Variants in PTH2R observed in about 807,000 individuals in gnomAD.
The protein encoded by PTH2R is PTH2 receptor.
A neutral mutation model predicts 60.3 loss-of-function variants in PTH2R; 59 were observed. The ratio of observed to expected loss-of-function variants is 0.98; its 90% CI spans 0.79 to 1.22. The LOEUF (loss-of-function observed/expected upper bound fraction) is 1.22, where lower values mean the gene tolerates loss of function less well. Ranked by LOEUF, PTH2R falls within the 50% of genes most tolerant of loss-of-function variation. The pLI is 0.00. For missense variants in PTH2R, 749 were observed against 682.6 expected, an observed-to-expected ratio of 1.10 and a Z score of -1.08; for synonymous variants, 256 against 243.8, an observed-to-expected ratio of 1.05 and a Z score of -0.47.
At chr2:208,417,693 G>A (rs561279787) in intron 1 of PTH2R, among the ~76,000 whole-genome samples, 14 of 152,020 alleles carry the variant, frequency 9.2e-5, no homozygotes, top group African/African-American at 3.4e-4. Context: ...GGGATTATGG[G>A]CACATGCCAC....
intron 7 of PTH2R, among the ~76,000 whole-genome samples, chr2:208,450,013 T>C (rs201108233): frequency 6.6e-6 from 1 of 152,330 alleles, no homozygotes; most frequent in East Asian, 1.9e-4. Context: ...TTATGGTTCA[T>C]GATTTTTTTG....
intron 9 of PTH2R, among the ~76,000 whole-genome samples, chr2:208,475,371 A>G (rs982324657): frequency 2.6e-5 from 4 of 152,196 alleles, no homozygotes; most frequent in Non-Finnish European, 5.9e-5. Context: ...AATAAAAGAG[A>G]AAATCCTAAA....
intron 7 of PTH2R, among the ~76,000 whole-genome samples, chr2:208,447,364 G>A (rs560854264): frequency 2.0e-5 from 3 of 152,024 alleles, no homozygotes; most frequent in Non-Finnish European, 4.4e-5. Context: ...CGAGGCGGGC[G>A]GATCATGAGG....
At chr2:208,488,301 A>AATAAGCAT (rs1321714280) in intron 10 of PTH2R, among the ~76,000 whole-genome samples, 1 of 152,186 alleles carries the variant, frequency 6.6e-6, no homozygotes, top group East Asian at 1.9e-4. Flanking sequence ...TGTCTCCCAA[A>AATAAGCAT]ATAAGCATCA....
In PTH2R at chr2:208,465,388, C is replaced by CTTTT. The variant is rs60871321; in HGVS notation, c.981+5456_981+5459dup. 3.2e-3 allele frequency among the ~76,000 whole-genome samples: 129 copies of CTTTT among 39,954 alleles called. 10 individuals carry two copies. Among genetic ancestry groups the CTTTT allele is most frequent in the Middle Eastern group, 0.029 (1 of 34 alleles). 26.2% of individuals were successfully genotyped at this position (39,954 alleles called of 152,430 possible). A position where few individuals can be genotyped will look rare whatever the true frequency, so the allele number is the denominator to read the frequency against. ...ACATACTTGTTGGCTATTTGTAAGT[C>CTTTT]TTTTTTTTTTTTTTTTTTTTTTTTT... On this transcript the variant is annotated intron_variant, in intron 9 of 12. Coordinates refer to ENST00000272847, the MANE Select transcript of PTH2R (RefSeq NM_005048.4).
chr2:208,487,712 C>T (rs1703303016), intron 10 of PTH2R, among the ~76,000 whole-genome samples: 1 of 152,174 alleles, frequency 6.6e-6, no homozygotes, highest in African/African-American at 2.4e-5. Context: ...TCAGCTGGGG[C>T]TGTGGTCTTA....
chr2:208,431,079 A>G (rs1227699655), intron 2 of PTH2R, among the ~76,000 whole-genome samples: 3 of 152,092 alleles, frequency 2.0e-5, no homozygotes, highest in Non-Finnish European at 4.4e-5. Context: ...ACCTACTCAT[A>G]CTACTCTTTG....
upstream of PTH2R, among the ~76,000 whole-genome samples, chr2:208,406,674 G>C (rs1701414987): frequency 6.6e-6 from 1 of 152,158 alleles, no homozygotes; most frequent in South Asian, 2.1e-4. Context: ...CTGGGCTGCG[G>C]GACCCAGTGA....
chr2:208,450,691 GA>G, intron 7 of PTH2R, 57 bp from the exon 8 acceptor site: 1 of 1,559,102 alleles, frequency 6.4e-7, no homozygotes, highest in Non-Finnish European at 8.8e-7. Context: ...TGAATTTGAG[GA>G]AAAAACCTCC....
upstream of PTH2R, among the ~76,000 whole-genome samples, chr2:208,402,108 A>G (rs1701321204): frequency 6.6e-6 from 1 of 152,072 alleles, no homozygotes; most frequent in East Asian, 1.9e-4. Context: ...ATTTTTACCA[A>G]CAAGGCAGTT....
rs2105843570 is a variant in PTH2R at position 208,418,380 on chromosome 2, G to A, written c.76-9821G>A. 2.0e-5 allele frequency among the ~76,000 whole-genome samples: 3 copies of A among 151,176 alleles called. No homozygotes were observed. The South Asian group carries it at 6.3e-4, about 32-fold the overall frequency. ...TGCACTCAATTTTTTTTTTTAAGGA[G>A]GAAGAATTTTAGCAAATTTTATTAG... On this transcript the variant is annotated intron_variant, in intron 1 of 12. Transcript: ENST00000272847.
intron 9 of PTH2R, among the ~76,000 whole-genome samples, chr2:208,462,312 A>G (rs995077187): frequency 3.3e-5 from 5 of 152,258 alleles, no homozygotes; most frequent in African/African-American, 1.2e-4. Context: ...AAATAGAATT[A>G]TAATGAAAAG....
chr2:208,442,886 C>A (rs1228344211), intron 5 of PTH2R, among the ~76,000 whole-genome samples: 1 of 152,108 alleles, frequency 6.6e-6, no homozygotes, highest in East Asian at 1.9e-4. Context: ...CAATTCCATT[C>A]AACTTAATCG....
At position 208,470,771 on chromosome 2, in the gene PTH2R, G is replaced by A. The variant is rs141525611; in HGVS notation, c.982-10299G>A. The stretch of plus-strand genomic sequence containing the variant: ...TACCTGAAAATGTTTAAGTGACTTT[G>A]GAACTGGGTAACAGGCAGAGGTTGG... On this transcript the variant is annotated intron_variant, in intron 9 of 12. Coordinates refer to ENST00000272847, the MANE Select transcript of PTH2R (RefSeq NM_005048.4). 5.8e-3 allele frequency among the ~76,000 whole-genome samples: 880 copies of A among 152,294 alleles called. 11 individuals carry two copies. The highest frequency in any genetic ancestry group is 0.02 in the African/African-American group (824 of 41,548).
At chr2:208,402,772 A>C (rs1352243038), upstream of PTH2R, among the ~76,000 whole-genome samples, 1 of 152,238 alleles carries the variant, frequency 6.6e-6, no homozygotes, top group Non-Finnish European at 1.5e-5. Flanking sequence ...AAGGATTAAA[A>C]ATGTAATTCT....
At chr2:208,460,078 C>T (rs930602124) in intron 9 of PTH2R, 117 bp downstream of exon 9, 6 of 828,660 alleles carry the variant, frequency 7.2e-6, no homozygotes, top group South Asian at 1.6e-5. Context: ...CTGACAAGTA[C>T]AGCAACATCT....
intron 10 of PTH2R, among the ~76,000 whole-genome samples, chr2:208,484,776 G>A (rs1030617834): frequency 1.6e-4 from 25 of 152,054 alleles, no homozygotes; most frequent in African/African-American, 4.3e-4. Flanking sequence ...TTTTAAGGCC[G>A]CATCCATCAC....
chr2:208,397,159 G>C (rs886814770), intron 1 of PTH2R, among the ~76,000 whole-genome samples: 1 of 152,084 alleles, frequency 6.6e-6, no homozygotes, highest in Non-Finnish European at 1.5e-5. Context: ...CTGTTGTGGG[G>C]TGGGAGGCTG....
chr2:208,457,095 T>G (rs1007087988), intron 8 of PTH2R, among the ~76,000 whole-genome samples: 1 of 152,152 alleles, frequency 6.6e-6, no homozygotes, highest in Non-Finnish European at 1.5e-5. Context: ...TTACCAAATG[T>G]CAAAAACTGA....
Sources: gnomAD v4.1 joint callset for allele counts (sites outside exome capture counted in the v4.1 genomes callset) on GRCh38, gnomAD v4.1.1 for gene constraint, MANE v1.5 for transcripts, NCBI Gene and HGNC (gene_info 2026-07-23, HGNC 2026-07-21) for gene names.